The following FAM107B variants were observed in gnomAD, a reference collection of about 807,000 sequenced individuals.
FAM107B encodes family with sequence similarity 107 member B.
FAM107B carries 21 observed loss-of-function variants against 31.5 expected under a neutral mutation model. The observed-to-expected ratio is 0.67, with a 90% confidence interval of 0.47 to 0.96. The LOEUF (loss-of-function observed/expected upper bound fraction) is 0.96. Among genes scored for constraint, FAM107B ranks in the 40% least tolerant of loss-of-function variants. The pLI is 0.00. For missense variants in FAM107B, 452 were observed against 377.1 expected (o/e 1.20, Z -1.64); for synonymous variants, 157 against 141.5 (o/e 1.11, Z -0.78).
At chr10:14,693,364 G>A (rs1017371337) in intron 1 of FAM107B, among the ~76,000 whole-genome samples, 2 of 151,892 alleles carry the variant, frequency 1.3e-5, no homozygotes, top group Non-Finnish European at 2.9e-5. Context: ...TGTAATCCCA[G>A]CTACTTGGGA....
At chr10:14,526,825 A>G (rs1234117907) in intron 3 of FAM107B, among the ~76,000 whole-genome samples, 1 of 152,124 alleles carries the variant, frequency 6.6e-6, no homozygotes, top group Non-Finnish European at 1.5e-5. Flanking sequence ...TCTCTAAATA[A>G]TATCAGAAAT....
At chr10:14,658,888 A>T (rs141666501) in intron 2 of FAM107B, among the ~76,000 whole-genome samples, 2 of 152,238 alleles carry the variant, frequency 1.3e-5, no homozygotes, top group African/African-American at 4.8e-5. Flanking sequence ...ACAGACAAAA[A>T]GCAAGTGAAT....
intron 2 of FAM107B, among the ~76,000 whole-genome samples, chr10:14,611,590 G>A (rs1852729189): frequency 1.3e-5 from 2 of 149,358 alleles, no homozygotes; most frequent in Non-Finnish European, 3.0e-5. Flanking sequence ...GGAAGGCTAG[G>A]CTAGGACTAA....
intron 2 of FAM107B, among the ~76,000 whole-genome samples, chr10:14,622,180 A>G (rs1487480071): frequency 1.3e-5 from 2 of 152,190 alleles, no homozygotes; most frequent in Admixed American, 1.3e-4. Flanking sequence ...AGGACCTAAG[A>G]ATATGGAGAT....
chr10:14,533,655 A>G (rs1847284054), intron 2 of FAM107B, among the ~76,000 whole-genome samples: 1 of 152,310 alleles, frequency 6.6e-6, no homozygotes, highest in Non-Finnish European at 1.5e-5. Context: ...TAGAGACAGC[A>G]TAAGATGCCC....
At chr10:14,655,239 C>T (rs535489393) in intron 2 of FAM107B, among the ~76,000 whole-genome samples, 8 of 152,354 alleles carry the variant, frequency 5.3e-5, no homozygotes, top group Non-Finnish European at 1.0e-4. Flanking sequence ...ATGACCAAAA[C>T]ACCTCCCTTT....
intron 2 of FAM107B, among the ~76,000 whole-genome samples, chr10:14,559,634 A>G (rs546705570): frequency 6.6e-6 from 1 of 151,644 alleles, no homozygotes; most frequent in South Asian, 2.1e-4. Flanking sequence ...CAGTGGCGCA[A>G]TCTCGGCTCA....
intron 1 of FAM107B, among the ~76,000 whole-genome samples, chr10:14,706,328 A>G (rs1855519055): frequency 6.6e-6 from 1 of 152,120 alleles, no homozygotes; most frequent in South Asian, 2.1e-4. Flanking sequence ...AGACAGCTAA[A>G]GTATCCCTCT....
Position 14,736,581 on chromosome 10 carries a change from A to G in FAM107B, c.411+37672T>C, listed in dbSNP as rs572453618. ...CAAAAAATAAAAACAAGAAAAACAC[A>G]TTATCACTCAATCTCCTTCATTGGT... On this transcript the variant is annotated intron_variant, in intron 1 of 4. Coordinates refer to ENST00000181796, the MANE Select transcript of FAM107B (RefSeq NM_031453.4). 2.6e-5 allele frequency among the ~76,000 whole-genome samples: 4 copies of G among 152,300 alleles called. No individual in the cohort carries two copies. The South Asian group carries it at 8.3e-4, about 32-fold the overall frequency.
chr10:14,626,011 A>C (rs1158005118), intron 2 of FAM107B, among the ~76,000 whole-genome samples: 2 of 152,170 alleles, frequency 1.3e-5, no homozygotes. Flanking sequence ...CTCCTTCCTC[A>C]TTAGAGCCAA....
At chr10:14,615,023 C>T (rs534110579) in intron 2 of FAM107B, among the ~76,000 whole-genome samples, 1 of 152,184 alleles carries the variant, frequency 6.6e-6, no homozygotes, top group East Asian at 1.9e-4. Context: ...CACTGTTTTG[C>T]TTGTTTTTAA....
chr10:14,579,955 G>T (rs1851582154), intron 2 of FAM107B, among the ~76,000 whole-genome samples: 1 of 151,126 alleles, frequency 6.6e-6, no homozygotes, highest in Non-Finnish European at 1.5e-5. Flanking sequence ...CCAGGAAGCA[G>T]AAGTTGCAGT....
chr10:14,676,581 C>T (rs1854687681), intron 1 of FAM107B, among the ~76,000 whole-genome samples: 1 of 152,196 alleles, frequency 6.6e-6, no homozygotes, highest in South Asian at 2.1e-4. Context: ...TCTAGTAACA[C>T]AGATAAGTCA....
At chr10:14,637,102 C>T (rs1030959375) in intron 2 of FAM107B, among the ~76,000 whole-genome samples, 1 of 152,156 alleles carries the variant, frequency 6.6e-6, no homozygotes, top group Non-Finnish European at 1.5e-5. Context: ...CTACTCAGGG[C>T]TCATGCAGAG....
At chr10:14,553,119 C>T (rs1016784246) in intron 2 of FAM107B, among the ~76,000 whole-genome samples, 1 of 152,170 alleles carries the variant, frequency 6.6e-6, no homozygotes, top group African/African-American at 2.4e-5. Context: ...ACATCATCTT[C>T]TCTTCCACCT....
chr10:14,681,089 A>G (rs1854823213), intron 1 of FAM107B, among the ~76,000 whole-genome samples: 1 of 152,190 alleles, frequency 6.6e-6, no homozygotes. Flanking sequence ...ATCACTTCTT[A>G]TAGGAACCCT....
intron 3 of FAM107B, chr10:14,529,704 T>C (rs1846726646): frequency 6.6e-6 from 1 of 152,168 alleles, no homozygotes. Context: ...CCAAATTATT[T>C]AAAAAGCAGA....
chr10:14,619,982 G>C (rs1004544940), intron 2 of FAM107B, among the ~76,000 whole-genome samples: 1 of 148,718 alleles, frequency 6.7e-6, no homozygotes, highest in African/African-American at 2.5e-5. Flanking sequence ...AGTTGACCGT[G>C]TAAGTGTCTA....
chr10:14,714,639 A>G (rs1159541630), intron 1 of FAM107B, among the ~76,000 whole-genome samples: 1 of 152,132 alleles, frequency 6.6e-6, no homozygotes, highest in African/African-American at 2.4e-5. Context: ...GCTCCCTTAT[A>G]CATCCAGACT....
Sources: gnomAD v4.1 joint callset for allele counts (sites outside exome capture counted in the v4.1 genomes callset) on GRCh38, gnomAD v4.1.1 for gene constraint, MANE v1.5 for transcripts, NCBI Gene and HGNC (gene_info 2026-07-23, HGNC 2026-07-21) for gene names.